Variants in STX7 observed in about 807,000 individuals in gnomAD.
STX7 encodes syntaxin-7.
A neutral mutation model predicts 39.6 loss-of-function variants in STX7; 34 were observed. That is an observed-to-expected ratio of 0.86 (90% CI 0.65 to 1.14). The LOEUF (loss-of-function observed/expected upper bound fraction) is 1.14, where lower values mean the gene tolerates loss of function less well. STX7 is among the 50% of genes most tolerant of loss of function. The probability of loss-of-function intolerance (pLI) is 0.00; values close to 1 mark genes in which losing one functional copy is unlikely to be tolerated. For missense variants in STX7, 284 were observed against 310.4 expected (o/e 0.92, Z 0.64); for synonymous variants, 119 against 99.1 (o/e 1.20, Z -1.19).
rs1377224186 is a variant in STX7 at position 132,457,195 on chromosome 6, C to T, written c.*3563G>A. 6.6e-6 allele frequency: 1 copy of T among 152,232 alleles called. No individual in the cohort carries two copies. Among genetic ancestry groups the T allele is most frequent in the African/African-American group, 2.4e-5 (1 of 41,466 alleles). The allele number at this position is 152,232 out of a possible 1,614,324, so 9.4% of individuals were successfully genotyped here. The stretch of plus-strand genomic sequence containing the variant: ...TAATTCCCTATGTTAAAACACTTTA[C>T]ACTTATAATCCATCAAGTGGTTTCT... On this transcript the variant is annotated 3_prime_UTR_variant, in exon 10 of 10. Coordinates refer to ENST00000367941, the MANE Select transcript of STX7 (RefSeq NM_003569.3).
In STX7 at chr6:132,462,582, G is replaced by GGTGTGTGTGTGT. The variant is rs71952617; in HGVS notation, c.693+1399_693+1410dup. Among the ~76,000 whole-genome samples the GGTGTGTGTGTGT allele has an allele frequency of 7.9e-3, 1,146 of 144,960 alleles. 7 individuals are homozygous for GGTGTGTGTGTGT. Among genetic ancestry groups the GGTGTGTGTGTGT allele is most frequent in the African/African-American group, 0.026 (1,009 of 38,730 alleles). Reference sequence around the variant, plus strand: ...CCAGAAGACTTCTGGCATTTGCAGGGGTGTGTGTGTGTGTGTGTGTGTGTG... The same window carrying GGTGTGTGTGTGT: ...CCAGAAGACTTCTGGCATTTGCAGGGGTGTGTGTGTGTGTGTGTGTGTGTGTGTGTGTGTGTG... On this transcript the variant is annotated intron_variant, in intron 9 of 9. Transcript: ENST00000367941.
At chr6:132,502,191 C>A (rs1318913019) in intron 2 of STX7, among the ~76,000 whole-genome samples, 1 of 152,190 alleles carries the variant, frequency 6.6e-6, no homozygotes, top group African/African-American at 2.4e-5. Context: ...ACTAGCATCT[C>A]ATTTAAATAA....
chr6:132,466,983 C>G (rs1232588588), intron 8 of STX7, among the ~76,000 whole-genome samples: 1 of 152,136 alleles, frequency 6.6e-6, no homozygotes, highest in Non-Finnish European at 1.5e-5. Flanking sequence ...AACTTCTCAC[C>G]ATCCCTCTAG....
intron 9 of STX7, among the ~76,000 whole-genome samples, chr6:132,463,454 C>G (rs1261902061): frequency 6.6e-6 from 1 of 152,084 alleles, no homozygotes; most frequent in African/African-American, 2.4e-5. Context: ...CCTATATTAA[C>G]CCGACTCAAG....
At chr6:132,471,369 C>T in intron 5 of STX7, 94 bp downstream of exon 5, 2 of 1,376,910 alleles carry the variant, frequency 1.5e-6, no homozygotes, top group East Asian at 2.4e-5. Flanking sequence ...ATTCACAGAT[C>T]TTTATGACTT....
intron 2 of STX7, among the ~76,000 whole-genome samples, chr6:132,497,287 A>G (rs1562337340): frequency 6.6e-6 from 1 of 152,212 alleles, no homozygotes; most frequent in Non-Finnish European, 1.5e-5. Context: ...GAATCCCACA[A>G]ACATAATGAA....
chr6:132,486,421 G>A (rs1183489142), intron 2 of STX7, among the ~76,000 whole-genome samples: 1 of 152,158 alleles, frequency 6.6e-6, no homozygotes, highest in Non-Finnish European at 1.5e-5. Flanking sequence ...AGGAATGGAA[G>A]TAGAATTTGT....
intron 2 of STX7, among the ~76,000 whole-genome samples, chr6:132,476,406 C>T (rs1041024891): frequency 5.3e-5 from 8 of 151,718 alleles, no homozygotes; most frequent in Non-Finnish European, 1.0e-4. Context: ...GGACAATCTA[C>T]GAGATAACTT....
chr6:132,485,848 T>G (rs1162963625), intron 2 of STX7, among the ~76,000 whole-genome samples: 1 of 152,264 alleles, frequency 6.6e-6, no homozygotes, highest in Non-Finnish European at 1.5e-5. Flanking sequence ...TTCTGATCCA[T>G]GATCAAGGTA....
chr6:132,473,520 G>GTTTTTTTTTTTTTTTTTTTGTTTTTT (rs398066285), intron 3 of STX7, among the ~76,000 whole-genome samples: 1 of 136,294 alleles, frequency 7.3e-6, no homozygotes, highest in Non-Finnish European at 1.6e-5. Context: ...TTATTGTGTT[G>GTTTTTTTTTTTTTTTTTTTGTTTTTT]TTTTTTTTTT....
intron 2 of STX7, among the ~76,000 whole-genome samples, chr6:132,481,541 T>C (rs539683071): frequency 1.7e-4 from 25 of 149,828 alleles, no homozygotes; most frequent in African/African-American, 5.6e-4. Context: ...AATCAAAGGC[T>C]CTGGCTAACA....
chr6:132,481,209 A>G (rs1775008299), intron 2 of STX7, among the ~76,000 whole-genome samples: 1 of 152,210 alleles, frequency 6.6e-6, no homozygotes, highest in South Asian at 2.1e-4. Flanking sequence ...TAGAAAACAA[A>G]AGGGATAAAT....
chr6:132,463,550 A>C (rs1419281498), intron 9 of STX7, among the ~76,000 whole-genome samples: 1 of 152,198 alleles, frequency 6.6e-6, no homozygotes, highest in Non-Finnish European at 1.5e-5. Flanking sequence ...TATGATTTCC[A>C]CAAGACCTGA....
intron 9 of STX7, 69 bp from the exon 10 acceptor site, chr6:132,460,919 A>C: frequency 7.6e-7 from 1 of 1,315,144 alleles, no homozygotes. Flanking sequence ...CCTCTACAGC[A>C]ACTAAAAATA....
chr6:132,463,997 T>C lies in STX7; in HGVS notation c.689A>G (p.Tyr230Cys). The C allele has an allele frequency of 6.2e-7, 1 of 1,614,126 alleles. No homozygotes were observed. The highest frequency in any genetic ancestry group is 8.5e-7 in the Non-Finnish European group (1 of 1,179,986). ...AATTGATCACAGTTAAATTACCTGA[T>C]AATCTGCTGCCCTTGACAGCTGCTG... ...ANQQLSRAAD[Y>C]QRKSRKTLCI... The change falls in exon 9 of 10, where the codon TAT (tyrosine) becomes TGT (cysteine). Residue 230 changes from tyrosine (Y) to cysteine (C), a missense_variant. Tyr to Cys is a radical substitution (Grantham distance 194, BLOSUM62 -2). Coordinates refer to ENST00000367941, the MANE Select transcript of STX7 (RefSeq NM_003569.3).
At chr6:132,507,034 T>G (rs1426676702) in intron 1 of STX7, among the ~76,000 whole-genome samples, 1 of 152,206 alleles carries the variant, frequency 6.6e-6, no homozygotes, top group Non-Finnish European at 1.5e-5. Context: ...GCCATTATCT[T>G]AAGTGAAATG....
At position 132,448,877 on chromosome 6, in the gene STX7, T is replaced by G. The variant is rs1310539473; in HGVS notation, c.*11881A>C. On this transcript the variant is annotated 3_prime_UTR_variant, in exon 10 of 10. Transcript: ENST00000367941. The stretch of plus-strand genomic sequence containing the variant: ...AAAAAAAAGGTCTGTCAATTCGTTA[T>G]TCCTTTAAAAGTGGATAAGTTATTC... 2 of 151,946 alleles carry G rather than the reference T, an allele frequency of 1.3e-5. No homozygotes were observed. The highest frequency in any genetic ancestry group is 2.9e-5 in the Non-Finnish European group (2 of 68,138). The allele number at this position is 151,946 out of a possible 1,614,324, so 9.4% of individuals were successfully genotyped here.
At chr6:132,494,912 G>A (rs1043095218) in intron 2 of STX7, among the ~76,000 whole-genome samples, 1 of 152,212 alleles carries the variant, frequency 6.6e-6, no homozygotes, top group Admixed American at 6.5e-5. Flanking sequence ...TTTGGAGACT[G>A]CAGTCATCCA....
intron 2 of STX7, among the ~76,000 whole-genome samples, chr6:132,483,134 C>T (rs1279112004): frequency 6.6e-6 from 1 of 152,062 alleles, no homozygotes; most frequent in Non-Finnish European, 1.5e-5. Context: ...CTTCACTATC[C>T]CTAGAGGATT....
Sources: gnomAD v4.1 joint callset for allele counts (sites outside exome capture counted in the v4.1 genomes callset) on GRCh38, gnomAD v4.1.1 for gene constraint, MANE v1.5 for transcripts, NCBI Gene and HGNC (gene_info 2026-07-23, HGNC 2026-07-21) for gene names.